UMAD1: variants seen among roughly 807,000 people sequenced by gnomAD.
UMAD1 encodes UBAP1-MVB12-associated (UMA) domain containing 1, also known as UBAP1-MVB12-associated (UMA)-domain containing protein 1.
UMAD1 carries 8 observed loss-of-function variants against 6.1 expected under a neutral mutation model. The observed-to-expected ratio is 1.30, with a 90% CI of 0.76 to 2.35. The LOEUF is 2.35. Ranked by LOEUF, UMAD1 falls within the 30% of genes most tolerant of loss-of-function variation. UMAD1 has a pLI of 0.00. For missense variants in UMAD1, 130 were observed against 78.4 expected (o/e 1.66, Z -2.49); for synonymous variants, 56 against 31.4 (o/e 1.78, Z -2.61).
intron 2 of UMAD1, among the ~76,000 whole-genome samples, chr7:7,799,913 C>T (rs752231786): frequency 3.9e-5 from 6 of 152,156 alleles, no homozygotes; most frequent in African/African-American, 9.7e-5. Flanking sequence ...GATGGAGTTT[C>T]GCTGTTGTTC....
chr7:7,871,150 A>G (rs1034046657), intron 3 of UMAD1, among the ~76,000 whole-genome samples: 1 of 152,190 alleles, frequency 6.6e-6, no homozygotes, highest in Middle Eastern at 3.2e-3. Flanking sequence ...TTGCTTTTCC[A>G]TCCTTCTTCA....
At chr7:7,748,103 A>ATTTTTTTTTTTTTTTTTTTTTTTTTTTT (rs35368211) in intron 2 of UMAD1, among the ~76,000 whole-genome samples, 1 of 140,162 alleles carries the variant, frequency 7.1e-6, no homozygotes, top group Non-Finnish European at 1.5e-5. Flanking sequence ...CGCCCAGCTA[A>ATTTTTTTTTTTTTTTTTTTTTTTTTTTT]TTTTTTTTTT....
At chr7:7,656,937 T>G (rs13230578) in intron 1 of UMAD1, among the ~76,000 whole-genome samples, 23,693 of 152,222 alleles carry the variant, frequency 0.16, 2,275 homozygotes, top group Middle Eastern at 0.24. Context: ...ACCAACAGTG[T>G]TAAAAGCCTT....
At chr7:7,789,551 CATT>C (rs757485000) in intron 2 of UMAD1, among the ~76,000 whole-genome samples, 86 of 151,660 alleles carry the variant, frequency 5.7e-4, no homozygotes, top group Non-Finnish European at 9.7e-4. Flanking sequence ...AGTACATTCT[CATT>C]GTTGTACAAC....
chr7:7,845,335 T>C (rs1163300078), intron 3 of UMAD1, among the ~76,000 whole-genome samples: 1 of 152,110 alleles, frequency 6.6e-6, no homozygotes. Context: ...TTAATTTCTA[T>C]TTAACAAGCT....
intron 1 of UMAD1, among the ~76,000 whole-genome samples, chr7:7,646,107 G>A (rs1176534497): frequency 6.6e-6 from 1 of 152,184 alleles, no homozygotes; most frequent in Non-Finnish European, 1.5e-5. Flanking sequence ...TAGCCCTGCC[G>A]TCTGGGAATG....
At chr7:7,709,214 C>T (rs1445560084) in intron 2 of UMAD1, among the ~76,000 whole-genome samples, 3 of 152,104 alleles carry the variant, frequency 2.0e-5, no homozygotes, top group African/African-American at 4.8e-5. Flanking sequence ...TGAGATTTAT[C>T]TCAATTATAT....
At chr7:7,822,683 C>T (rs951841239) in intron 3 of UMAD1, among the ~76,000 whole-genome samples, 5 of 152,054 alleles carry the variant, frequency 3.3e-5, no homozygotes, top group Non-Finnish European at 5.9e-5. Flanking sequence ...ATAGCCATAA[C>T]GCTTTAGTGT....
chr7:7,839,614 T>C (rs576231230), intron 3 of UMAD1, among the ~76,000 whole-genome samples: 2 of 152,212 alleles, frequency 1.3e-5, no homozygotes, highest in East Asian at 3.9e-4. Context: ...CATGTTCGAA[T>C]GCTAATAGGA....
intron 3 of UMAD1, among the ~76,000 whole-genome samples, chr7:7,847,776 C>T (rs77751320): frequency 1.3e-5 from 2 of 152,108 alleles, no homozygotes; most frequent in Non-Finnish European, 2.9e-5. Flanking sequence ...GTTTTGAACT[C>T]CTGGCTCAAA....
At chr7:7,661,488 G>A (rs1226186527) in intron 1 of UMAD1, among the ~76,000 whole-genome samples, 1 of 152,156 alleles carries the variant, frequency 6.6e-6, no homozygotes, top group African/African-American at 2.4e-5. Flanking sequence ...TTTCAGTGGG[G>A]TTTCTGAGTG....
At chr7:7,809,979 A>C (rs1234541491) in intron 3 of UMAD1, among the ~76,000 whole-genome samples, 1 of 152,058 alleles carries the variant, frequency 6.6e-6, no homozygotes, top group Non-Finnish European at 1.5e-5. Context: ...AGATTACTGC[A>C]TTAAAAACTG....
intron 2 of UMAD1, among the ~76,000 whole-genome samples, chr7:7,776,752 C>A: frequency 6.6e-6 from 1 of 152,194 alleles, no homozygotes; most frequent in East Asian, 1.9e-4. Flanking sequence ...CAGGAAGAAT[C>A]ATTTTCCAAT....
At chr7:7,685,603 C>T (rs1169532471) in intron 2 of UMAD1, among the ~76,000 whole-genome samples, 10 of 152,238 alleles carry the variant, frequency 6.6e-5, no homozygotes, top group African/African-American at 1.9e-4. Flanking sequence ...CCACCGTGCC[C>T]GGCCACATTA....
intron 3 of UMAD1, among the ~76,000 whole-genome samples, chr7:7,851,212 C>T (rs1783909183): frequency 6.6e-6 from 1 of 152,022 alleles, no homozygotes; most frequent in East Asian, 1.9e-4. Flanking sequence ...AAGGGTCATC[C>T]TTGTTGAAGC....
intron 3 of UMAD1, among the ~76,000 whole-genome samples, chr7:7,862,907 T>C (rs994158815): frequency 6.6e-6 from 1 of 152,152 alleles, no homozygotes; most frequent in Non-Finnish European, 1.5e-5. Flanking sequence ...ACCAATTCAG[T>C]TTGCTTAGAC....
chr7:7,722,956 C>G (rs1781076820), intron 2 of UMAD1, among the ~76,000 whole-genome samples: 2 of 152,188 alleles, frequency 1.3e-5, no homozygotes, highest in Non-Finnish European at 1.5e-5. Flanking sequence ...GCAACATTCC[C>G]TCTCCAACCG....
chr7:7,815,409 G>C (rs998885355), intron 3 of UMAD1, among the ~76,000 whole-genome samples: 3 of 152,158 alleles, frequency 2.0e-5, no homozygotes, highest in African/African-American at 4.8e-5. Flanking sequence ...GAGTAGAGTA[G>C]AATTGATTAA....
At chr7:7,665,717 C>T (rs768728957) in intron 1 of UMAD1, among the ~76,000 whole-genome samples, 126 of 152,098 alleles carry the variant, frequency 8.3e-4, no homozygotes, top group Admixed American at 9.2e-4. Context: ...CCCAGGCAAC[C>T]TCTGATATAC....
Sources: gnomAD v4.1 joint callset for allele counts (sites outside exome capture counted in the v4.1 genomes callset) on GRCh38, gnomAD v4.1.1 for gene constraint, MANE v1.5 for transcripts, NCBI Gene and HGNC (gene_info 2026-07-23, HGNC 2026-07-21) for gene names.